The following CSMD3 variants were observed in gnomAD, a reference collection of about 807,000 sequenced individuals.
The protein encoded by CSMD3 is CUB and Sushi multiple domains 3, also known as CUB and sushi domain-containing protein 3.
In CSMD3, 177 loss-of-function variants were observed where a neutral mutation model predicts 435.2. That is an observed-to-expected ratio of 0.41 (90% CI 0.36 to 0.46). CSMD3 has a LOEUF of 0.46. Ranked by LOEUF, CSMD3 falls within the 20% of genes least tolerant of loss-of-function variation. The probability of loss-of-function intolerance (pLI) is 0.34; values close to 1 mark genes in which losing one functional copy is unlikely to be tolerated. For missense variants in CSMD3, 4,265 were observed against 4,504.6 expected (o/e 0.95, Z 1.52); for synonymous variants, 1,656 against 1,520.5 (o/e 1.09, Z -2.07).
intron 4 of CSMD3, among the ~76,000 whole-genome samples, chr8:113,131,050 G>T (rs1444827151): frequency 1.3e-5 from 2 of 152,112 alleles, no homozygotes; most frequent in Non-Finnish European, 2.9e-5. Context: ...GTTTCTAAAA[G>T]TGTATGCTCA....
chr8:112,875,996 T>C (rs2081271435), intron 10 of CSMD3, among the ~76,000 whole-genome samples: 2 of 152,138 alleles, frequency 1.3e-5, no homozygotes. Context: ...ATAAGAGGCA[T>C]TCTGGTTTTT....
chr8:112,720,301 A>C (rs112936168), intron 13 of CSMD3, among the ~76,000 whole-genome samples: 2 of 140,206 alleles, frequency 1.4e-5, no homozygotes, highest in African/African-American at 5.8e-5. Context: ...AAATGCTAGA[A>C]ATTTTTTTCT....
At chr8:113,085,371 A>G (rs922703369) in intron 5 of CSMD3, among the ~76,000 whole-genome samples, 8 of 152,128 alleles carry the variant, frequency 5.3e-5, no homozygotes, top group African/African-American at 1.9e-4. Flanking sequence ...AACGGTATGA[A>G]GTTTCTCAAA....
chr8:113,137,086 G>T (rs1328686056), intron 4 of CSMD3, among the ~76,000 whole-genome samples: 1 of 151,526 alleles, frequency 6.6e-6, no homozygotes, highest in Non-Finnish European at 1.5e-5. Context: ...AATTCTGGAG[G>T]GAGTAATAAA....
chr8:112,637,184 T>G (rs2074685567), intron 21 of CSMD3, among the ~76,000 whole-genome samples, 179 bp from the exon 22 acceptor site: 1 of 152,156 alleles, frequency 6.6e-6, no homozygotes, highest in Admixed American at 6.6e-5. Context: ...TTCTGTGAAA[T>G]AGCTAATAAC....
intron 3 of CSMD3, among the ~76,000 whole-genome samples, chr8:113,229,590 T>C (rs150215936): frequency 0.011 from 1,693 of 151,748 alleles, 17 homozygotes; most frequent in Non-Finnish European, 0.018. Context: ...AGATGTAACC[T>C]GAGCTCACAG....
At chr8:112,387,463 T>TTGTGTGTG (rs1473042858) in intron 36 of CSMD3, among the ~76,000 whole-genome samples, 1 of 87,126 alleles carries the variant, frequency 1.1e-5, no homozygotes, top group African/African-American at 3.9e-5. Context: ...AAGTCATATA[T>TTGTGTGTG]TATGTGTGTG....
At position 112,390,761 on chromosome 8, in the gene CSMD3, C is replaced by T. The variant is rs779645589; in HGVS notation, c.5837G>A (p.Arg1946His). The change falls in exon 36 of 71, where the codon CGC becomes CAC. Residue 1946 changes from arginine (R) to histidine (H), a missense_variant. Arg to His is a conservative substitution (Grantham distance 29). Around this residue, in one of 3 missense-constraint regions of CSMD3, gnomAD observed 3,255 missense variants for 3,380.2 expected, o/e 0.96. Coordinates refer to ENST00000297405, the MANE Select transcript of CSMD3 (RefSeq NM_198123.2). ...IVPCGGILTK[R>H]KGTILSPGYP... is the part of the protein sequence containing the mutation. ...TCCAGGTGACAAAATAGTCCCTTTG[C>T]GCTTAGTTAAAATTCCACCACAGGG... The T allele has an allele frequency of 2.8e-5, 45 of 1,613,106 alleles. No homozygotes were observed. The highest frequency in any genetic ancestry group is 6.7e-5 in the African/African-American group (5 of 74,884).
intron 22 of CSMD3, among the ~76,000 whole-genome samples, chr8:112,609,705 C>T (rs933257257): frequency 2.6e-5 from 4 of 152,070 alleles, no homozygotes; most frequent in Non-Finnish European, 4.4e-5. Flanking sequence ...TCTGCATCCT[C>T]ATGTTTATTG....
At chr8:112,420,305 G>A (rs967035635) in intron 32 of CSMD3, among the ~76,000 whole-genome samples, 2 of 151,974 alleles carry the variant, frequency 1.3e-5, no homozygotes, top group African/African-American at 2.4e-5. Flanking sequence ...GTACTTTTAA[G>A]CAACTCCCCA....
intron 11 of CSMD3, among the ~76,000 whole-genome samples, chr8:112,855,217 C>A (rs1259597542): frequency 6.6e-6 from 1 of 152,000 alleles, no homozygotes; most frequent in Non-Finnish European, 1.5e-5. Context: ...ATCGGCTAGA[C>A]CAATATCCTT....
intron 4 of CSMD3, among the ~76,000 whole-genome samples, chr8:113,166,209 A>T (rs1158270523): frequency 6.6e-6 from 1 of 152,112 alleles, no homozygotes; most frequent in Non-Finnish European, 1.5e-5. Flanking sequence ...AGTTTTTAAA[A>T]TATATGAGTT....
At chr8:113,315,574 A>AATATAT (rs534298957) in intron 1 of CSMD3, among the ~76,000 whole-genome samples, 2 of 148,624 alleles carry the variant, frequency 1.3e-5, no homozygotes, top group African/African-American at 4.9e-5. Flanking sequence ...TGTCTCTTCA[A>AATATAT]ATATATATAT....
rs894397349 is a variant in CSMD3 at position 112,863,436 on chromosome 8, T to C, written c.1634-4170A>G. On this transcript the variant is annotated intron_variant, in intron 10 of 70. Transcript: ENST00000297405. ...GAAAATACCATTTATATTATATTTATATAGACCGTACATAAATGTATAAGA... is the reference window on the plus strand; with the variant it reads ...GAAAATACCATTTATATTATATTTACATAGACCGTACATAAATGTATAAGA... Among the ~76,000 whole-genome samples, 8 of 152,068 alleles carry C rather than the reference T, an allele frequency of 5.3e-5. 2 individuals are homozygous for C.
At position 112,637,111 on chromosome 8, in the gene CSMD3, A is replaced by G. The variant is rs374548277; in HGVS notation, c.3527-106T>C. 43 of 891,642 alleles carry G rather than the reference A, an allele frequency of 4.8e-5. No individual in the cohort carries two copies. The Admixed American group carries it at 5.9e-4, about 12-fold the overall frequency. 55.2% of individuals were successfully genotyped at this position (891,642 alleles called of 1,614,324 possible). A position where few individuals can be genotyped will look rare whatever the true frequency, so the allele number is the denominator to read the frequency against. On this transcript the variant is annotated intron_variant, in intron 21 of 70. Transcript: ENST00000297405. ...CCTATTGTTTTTAGAACCTAGTCAT[A>G]TATTTAGAAGGGACTATATGAATAG...
intron 38 of CSMD3, among the ~76,000 whole-genome samples, 167 bp from the exon 39 acceptor site, chr8:112,352,701 A>G (rs1184031857): frequency 1.3e-5 from 2 of 152,182 alleles, no homozygotes; most frequent in Admixed American, 1.3e-4. Flanking sequence ...TGTCAAGAAT[A>G]ATGCACATTT....
intron 59 of CSMD3, among the ~76,000 whole-genome samples, chr8:112,278,379 G>A (rs1818293392): frequency 6.6e-6 from 1 of 152,196 alleles, no homozygotes; most frequent in African/African-American, 2.4e-5. Flanking sequence ...TAAGTCAGAA[G>A]TATTGAAAAT....
At chr8:113,345,036 A>C (rs1018341537) in intron 1 of CSMD3, among the ~76,000 whole-genome samples, 1 of 152,076 alleles carries the variant, frequency 6.6e-6, no homozygotes, top group Admixed American at 6.6e-5. Flanking sequence ...TCTTCAACTG[A>C]AGATAGGGAT....
rs1554611986 is a variant in CSMD3, at chr8:113,328,727, C to CTTTTTTTTTTT, written c.179-13935_179-13934insAAAAAAAAAAA. ...TTTTCTTTCTTTCTTTCTTTCCTTC[C>CTTTTTTTTTTT]TTCTTTTCTTTTTTTTTTTTTTTTT... is the stretch of plus-strand genomic sequence containing the variant. On this transcript the variant is annotated intron_variant, in intron 1 of 70. Coordinates refer to ENST00000297405, the MANE Select transcript of CSMD3 (RefSeq NM_198123.2). Among the ~76,000 whole-genome samples, 4 of 87,282 alleles carry CTTTTTTTTTTT rather than the reference C, an allele frequency of 4.6e-5. No homozygotes were observed. In the Admixed American group the frequency reaches 4.7e-4, roughly 10 times the overall value. 57.3% of individuals were successfully genotyped at this position (87,282 alleles called of 152,430 possible).
Sources: allele counts gnomAD v4.1 joint callset (sites outside exome capture counted in the v4.1 genomes callset), GRCh38; gene constraint gnomAD v4.1.1; regional missense constraint gnomAD v4.1.1; transcripts MANE v1.5; gene names NCBI Gene and HGNC (gene_info 2026-07-23, HGNC 2026-07-21).